The following ABI3BP variants were observed in gnomAD, a reference collection of about 807,000 sequenced individuals.
ABI3BP encodes ABI family member 3 binding protein, also known as target of Nesh-SH3.
ABI3BP carries 216 observed loss-of-function variants against 268.6 expected under a neutral mutation model. The ratio of observed to expected loss-of-function variants is 0.80; its 90% CI spans 0.72 to 0.90. The LOEUF is 0.90. Ranked by LOEUF, ABI3BP falls within the 40% of genes least tolerant of loss-of-function variation. The probability of loss-of-function intolerance (pLI) is 0.00; values close to 1 mark genes in which losing one functional copy is unlikely to be tolerated. For missense variants in ABI3BP, 2,090 were observed against 2,182.4 expected, an observed-to-expected ratio of 0.96 and a Z score of 0.84; for synonymous variants, 730 against 730.0, an observed-to-expected ratio of 1.00 and a Z score of 0.00.
chr3:100,876,316 C>T (rs1384462893), intron 7 of ABI3BP, among the ~76,000 whole-genome samples, 196 bp downstream of exon 7: 1 of 151,898 alleles, frequency 6.6e-6, no homozygotes, highest in Non-Finnish European at 1.5e-5. Flanking sequence ...GTGACCAGCC[C>T]AAAGCTTGGT....
In ABI3BP at chr3:100,920,277, G is replaced by T. The variant is rs933296569; in HGVS notation, c.259+6025C>A. Reference sequence around the variant, plus strand: ...GAGCTGGCCAGAACTTTAGTGGAAAGTTAACCCAATAGTTATTAGCAATTG... The same window carrying T: ...GAGCTGGCCAGAACTTTAGTGGAAATTTAACCCAATAGTTATTAGCAATTG... On this transcript the variant is annotated intron_variant, in intron 2 of 67. Coordinates refer to ENST00000471714, the MANE Select transcript of ABI3BP (RefSeq NM_001375547.2). Among the ~76,000 whole-genome samples, 4 of 152,224 alleles carry T rather than the reference G, an allele frequency of 2.6e-5. No homozygotes were observed. In the East Asian group the frequency reaches 7.7e-4, roughly 29 times the overall value.
intron 2 of ABI3BP, among the ~76,000 whole-genome samples, chr3:100,921,859 G>A (rs1262552423): frequency 6.6e-6 from 1 of 152,228 alleles, no homozygotes; most frequent in Non-Finnish European, 1.5e-5. Context: ...CTGGTCCACA[G>A]GTCACTAAAG....
chr3:100,863,700 T>C (rs926726316), intron 12 of ABI3BP: 1 of 296,132 alleles, frequency 3.4e-6, no homozygotes, highest in Non-Finnish European at 6.4e-6. Flanking sequence ...ATCTTCTCTG[T>C]TAAGAGAGAC....
Position 100,898,845 on chromosome 3 carries a change from T to C in ABI3BP, c.378A>G (p.Thr126=). The change falls in exon 4 of 68, where the codon ACA becomes ACG. Residue 126 remains threonine (T), a synonymous_variant. Transcript: ENST00000471714. The part of the protein sequence containing the change: ...KPLQLVVGTL[T]PSSVFLSWGF... ...CCCAGGACAGGAAGACCGAGCTCGG[T>C]GTCAGAGTGCCAACCACCAGCTGCA... The C allele has an allele frequency of 1.2e-6, 2 of 1,613,472 alleles. No homozygotes were observed. The highest frequency in any genetic ancestry group is 8.5e-7 in the Non-Finnish European group (1 of 1,179,710).
chr3:100,789,663 T>C (rs1577768232), intron 55 of ABI3BP, 147 bp from the exon 56 acceptor site: 1 of 664,938 alleles, frequency 1.5e-6, no homozygotes, highest in African/African-American at 1.8e-5. Context: ...ATTATAGACT[T>C]CACGCTAAAG....
At chr3:100,981,016 C>A (rs1460928938) in intron 1 of ABI3BP, among the ~76,000 whole-genome samples, 1 of 152,200 alleles carries the variant, frequency 6.6e-6, no homozygotes, top group Non-Finnish European at 1.5e-5. Flanking sequence ...GTTGTTGCCA[C>A]CCTTCGAGGG....
intron 57 of ABI3BP, among the ~76,000 whole-genome samples, chr3:100,786,181 C>G (rs1324826929): frequency 1.3e-5 from 2 of 152,086 alleles, no homozygotes; most frequent in African/African-American, 2.4e-5. Flanking sequence ...AGAATATAGA[C>G]CAGGCACAAA....
rs758055236 is a variant in ABI3BP, at chr3:100,822,640, G to A, written c.2836C>T (p.Arg946Cys). Residue 946 changes from arginine to cysteine, a missense_variant, in exon 38 of 68, where the codon CGT (arginine) becomes TGT (cysteine). By Grantham distance (180) the Arg-to-Cys change is radical (BLOSUM62 -3). Coordinates refer to ENST00000471714, the MANE Select transcript of ABI3BP (RefSeq NM_001375547.2). ...SKTSQRTRRP[R>C]LRTKTTPRPE... ...CGTGGTGTGGTTTTTGTTCTGAGAC[G>A]TGGACGACGTGTCCGTTGTGATGTT... 14 of 1,536,568 alleles carry A rather than the reference G, an allele frequency of 9.1e-6. No homozygotes were observed. The highest frequency in any genetic ancestry group is 1.2e-5 in the Non-Finnish European group (14 of 1,146,960).
intron 17 of ABI3BP, 129 bp downstream of exon 17, chr3:100,849,916 G>T (rs1210733590): frequency 1.4e-6 from 1 of 727,612 alleles, no homozygotes; most frequent in Admixed American, 2.4e-5. Context: ...GAATTTCATG[G>T]TAGAGACTGA....
At chr3:100,799,056 T>C (rs1477069633) in intron 51 of ABI3BP, among the ~76,000 whole-genome samples, 2 of 152,140 alleles carry the variant, frequency 1.3e-5, no homozygotes, top group Non-Finnish European at 2.9e-5. Flanking sequence ...TATTTGTCCA[T>C]GTTTTCATTT....
Position 100,838,423 on chromosome 3 carries a change from C to G in ABI3BP, c.1987G>C (p.Asp663His). The change falls in exon 25 of 68, where the codon GAT becomes CAT. Residue 663 changes from aspartate to histidine, a missense_variant. By Grantham distance (81) the Asp-to-His change is moderately conservative (BLOSUM62 -1). Transcript: ENST00000471714. ...SERPKTTHRP[D>H]APQIQPGSKP... ...TTACCAGGCTGAATTTGAGGTGCATCTGGTCTGTGTGTGGTTTTAGGTCTC... is the reference window on the plus strand; with the variant it reads ...TTACCAGGCTGAATTTGAGGTGCATGTGGTCTGTGTGTGGTTTTAGGTCTC... 2 of 1,535,764 alleles carry G rather than the reference C, an allele frequency of 1.3e-6. No homozygotes were observed. Among genetic ancestry groups the G allele is most frequent in the Non-Finnish European group, 8.7e-7 (1 of 1,146,716 alleles).
intron 51 of ABI3BP, among the ~76,000 whole-genome samples, chr3:100,798,539 T>A (rs999081290): frequency 1.3e-5 from 2 of 151,844 alleles, no homozygotes; most frequent in African/African-American, 4.8e-5. Context: ...GCAGTTTTGA[T>A]TTCTTTATAA....
rs977823807 is a variant in ABI3BP at position 100,829,613 on chromosome 3, G to A, written c.2510C>T (p.Thr837Ile). ...AGTCTGAAGCTCTTCGGGACTCAGT[G>A]TGGTTTTAGGTTTGGGATGTGGACG... ...THRPHPKPKTTLSPEELQTEL... is the reference protein window; with the variant it reads ...THRPHPKPKTILSPEELQTEL... Residue 837 changes from threonine to isoleucine, a missense_variant, in exon 33 of 68, where the codon ACA becomes ATA. Coordinates refer to ENST00000471714, the MANE Select transcript of ABI3BP (RefSeq NM_001375547.2). 6.5e-7 allele frequency: 1 copy of A among 1,535,730 alleles called. No homozygotes were observed. Among genetic ancestry groups the A allele is most frequent in the Non-Finnish European group, 8.7e-7 (1 of 1,146,484 alleles).
chr3:100,802,785 C>CGTCACTCAAATCTACTGTTATCTATA (rs764659106), intron 51 of ABI3BP, among the ~76,000 whole-genome samples: 3 of 147,738 alleles, frequency 2.0e-5, no homozygotes, highest in Admixed American at 1.3e-4. Context: ...CTACCTTTTA[C>CGTCACTCAAATCTACTGTTATCTATA]ATTTTTAGAC....
chr3:100,814,547 CAATT>C (rs2097958038), intron 44 of ABI3BP, among the ~76,000 whole-genome samples: 2 of 152,168 alleles, frequency 1.3e-5, no homozygotes, highest in African/African-American at 4.8e-5. Context: ...TTTTACTACT[CAATT>C]AAACAAGAAC....
chr3:100,760,040 A>C (rs2095854636), intron 63 of ABI3BP, among the ~76,000 whole-genome samples: 1 of 152,212 alleles, frequency 6.6e-6, no homozygotes, highest in Admixed American at 6.5e-5. Context: ...TATTCCAGCT[A>C]ACCAGTGCCA....
chr3:100,963,348 T>A (rs549170527), intron 1 of ABI3BP, among the ~76,000 whole-genome samples: 2 of 152,306 alleles, frequency 1.3e-5, no homozygotes, highest in Admixed American at 1.3e-4. Context: ...TTTTTGATGC[T>A]TTCTTCTTTC....
intron 55 of ABI3BP, among the ~76,000 whole-genome samples, chr3:100,792,131 G>A (rs1234633808): frequency 1.3e-5 from 2 of 151,800 alleles, no homozygotes; most frequent in African/African-American, 4.8e-5. Flanking sequence ...CTTTGTGTAG[G>A]CGAGTTCACT....
At position 100,875,529 on chromosome 3, in the gene ABI3BP, G is replaced by A. The variant is rs2099153255; in HGVS notation, c.796C>T (p.Pro266Ser). Residue 266 changes from proline to serine, a missense_variant, in exon 8 of 68, where the codon CCA becomes TCA. Physicochemically the swap from Pro to Ser is moderately conservative, Grantham distance 74. Coordinates refer to ENST00000471714, the MANE Select transcript of ABI3BP (RefSeq NM_001375547.2). ...TCACCTAGTATCACTCCTCCCAGTG[G>A]AGCTTTTTCTGGGGATTTAGCTGAA... ...KDSAKSPEKA[P>S]LGGVILVHLI... 3 of 1,612,890 alleles carry A rather than the reference G, an allele frequency of 1.9e-6. No individual in the cohort carries two copies. The highest frequency in any genetic ancestry group is 2.5e-6 in the Non-Finnish European group (3 of 1,178,930).
Sources: gnomAD v4.1 joint callset for allele counts (sites outside exome capture counted in the v4.1 genomes callset) on GRCh38, gnomAD v4.1.1 for gene constraint, MANE v1.5 for transcripts, NCBI Gene and HGNC (gene_info 2026-07-23, HGNC 2026-07-21) for gene names.